The following GLG1 variants were observed in gnomAD, a reference collection of about 807,000 sequenced individuals.
The protein encoded by GLG1 is golgi glycoprotein 1.
In GLG1, 38 loss-of-function variants were observed where a neutral mutation model predicts 160.5. The ratio of observed to expected loss-of-function variants is 0.24; its 90% CI spans 0.18 to 0.31. The LOEUF (loss-of-function observed/expected upper bound fraction) is 0.31, where lower values mean the gene tolerates loss of function less well. GLG1 is among the 10% of genes least tolerant of loss of function. The probability of loss-of-function intolerance (pLI) is 1.00; values close to 1 mark genes in which losing one functional copy is unlikely to be tolerated. For synonymous variants in GLG1, 644 were observed against 543.4 expected, an observed-to-expected ratio of 1.19 and a Z score of -2.57; for missense variants, 1,373 against 1,505.2, an observed-to-expected ratio of 0.91 and a Z score of 1.45.
Position 74,511,577 on chromosome 16 carries a change from T to C in GLG1, c.472-2652A>G, listed in dbSNP as rs1407770825. Among the ~76,000 whole-genome samples, 17 of 3,192 alleles carry C rather than the reference T, an allele frequency of 5.3e-3. No individual in the cohort carries two copies. In the East Asian group the frequency reaches 0.17, roughly 32 times the overall value. 2.1% of individuals were successfully genotyped at this position (3,192 alleles called of 152,430 possible). On this transcript the variant is annotated intron_variant, in intron 2 of 25. Coordinates refer to ENST00000422840, the MANE Select transcript of GLG1 (RefSeq NM_001145667.2). Reference sequence around the variant, plus strand: ...TGAGGCAGGAGAATAACTTGAACCTTTTTTTTTTAAAAAAAAAAAAAAAAA... The same window carrying C: ...TGAGGCAGGAGAATAACTTGAACCTCTTTTTTTTAAAAAAAAAAAAAAAAA...
intron 2 of GLG1, among the ~76,000 whole-genome samples, chr16:74,517,971 T>TA (rs1319474329): frequency 6.6e-6 from 1 of 151,916 alleles, no homozygotes; most frequent in Non-Finnish European, 1.5e-5. Flanking sequence ...AATAATAAAA[T>TA]ACCTAGGAAT....
chr16:74,484,321 T>A (rs1276957560), intron 9 of GLG1, among the ~76,000 whole-genome samples: 1 of 152,028 alleles, frequency 6.6e-6, no homozygotes, highest in African/African-American at 2.4e-5. Context: ...TACTTGCAAC[T>A]GTTTTTTTTT....
At chr16:74,471,958 G>A (rs2015222762) in intron 14 of GLG1, among the ~76,000 whole-genome samples, 1 of 151,998 alleles carries the variant, frequency 6.6e-6, no homozygotes, top group Admixed American at 6.6e-5. Context: ...AGGCTGGAGT[G>A]CAGTGGCACA....
chr16:74,601,041 C>A (rs577521874), intron 1 of GLG1, among the ~76,000 whole-genome samples: 470 of 152,120 alleles, frequency 3.1e-3, no homozygotes, highest in Admixed American at 5.3e-3. Flanking sequence ...TTGCTTCCAA[C>A]CAGACAGACA....
intron 1 of GLG1, among the ~76,000 whole-genome samples, chr16:74,545,669 T>C (rs986434881): frequency 4.6e-5 from 7 of 152,278 alleles, no homozygotes; most frequent in African/African-American, 1.7e-4. Flanking sequence ...CCATGTCTTT[T>C]AAAGTTCTAA....
intron 1 of GLG1, among the ~76,000 whole-genome samples, chr16:74,602,512 G>A (rs866036663): frequency 5.9e-4 from 90 of 152,200 alleles, no homozygotes; most frequent in African/African-American, 1.9e-3. Context: ...GGCTGGGCGC[G>A]GTGACTCACG....
intron 3 of GLG1, 67 bp from the exon 4 acceptor site, chr16:74,503,813 G>C: frequency 1.9e-6 from 2 of 1,031,024 alleles, no homozygotes; most frequent in Non-Finnish European, 2.9e-6. Context: ...ATTTATCAAA[G>C]AGAAAAATGT....
At chr16:74,568,904 A>G (rs2018738330) in intron 1 of GLG1, among the ~76,000 whole-genome samples, 1 of 152,234 alleles carries the variant, frequency 6.6e-6, no homozygotes, top group South Asian at 2.1e-4. Flanking sequence ...AAAAGCAATA[A>G]AGAGCTAAAA....
intron 2 of GLG1, among the ~76,000 whole-genome samples, chr16:74,524,751 T>A (rs1487348241): frequency 6.6e-6 from 1 of 152,188 alleles, no homozygotes; most frequent in Non-Finnish European, 1.5e-5. Flanking sequence ...AGAATTTACA[T>A]TGTAAAATTC....
At chr16:74,496,296 T>G in intron 5 of GLG1, 145 bp downstream of exon 5, 1 of 598,906 alleles carries the variant, frequency 1.7e-6, no homozygotes, top group Non-Finnish European at 2.9e-6. Context: ...GCTGGAGCAC[T>G]GCTTCAGGTC....
At chr16:74,462,370 G>T in intron 21 of GLG1, 118 bp downstream of exon 21, 1 of 985,826 alleles carries the variant, frequency 1.0e-6, no homozygotes, top group Non-Finnish European at 1.6e-6. Context: ...CCCCAGGTTC[G>T]GGAAGATATG....
chr16:74,448,370 A>C lies in GLG1; in HGVS notation c.*4797T>G, dbSNP rs1249014753. The C allele has an allele frequency of 6.6e-6, 1 of 152,224 alleles. No homozygotes were observed. The highest frequency in any genetic ancestry group is 1.5e-5 in the Non-Finnish European group (1 of 68,044). 9.4% of individuals were successfully genotyped at this position (152,224 alleles called of 1,614,324 possible). A position where few individuals can be genotyped will look rare whatever the true frequency, so the allele number is the denominator to read the frequency against. On this transcript the variant is annotated 3_prime_UTR_variant, in exon 26 of 26. Coordinates refer to ENST00000422840, the MANE Select transcript of GLG1 (RefSeq NM_001145667.2). ...CCCTCAAGGCCTGAGAGAGACCCACAGCACCAGATGCTGCATTTTACAAAA... is the reference window on the plus strand; with the variant it reads ...CCCTCAAGGCCTGAGAGAGACCCACCGCACCAGATGCTGCATTTTACAAAA...
At position 74,469,382 on chromosome 16, in the gene GLG1, A is replaced by T. The variant is rs553722227; in HGVS notation, c.2319-319T>A. 4 of 314,272 alleles carry T rather than the reference A, an allele frequency of 1.3e-5. No homozygotes were observed. The South Asian group carries it at 2.4e-4, about 19-fold the overall frequency. 19.5% of individuals were successfully genotyped at this position (314,272 alleles called of 1,614,324 possible). A position where few individuals can be genotyped will look rare whatever the true frequency, so the allele number is the denominator to read the frequency against. ...ACAGAGGAATGCTGCTCTTAACTCT[A>T]GGACTGTACTTTTGACCTACTGTGA... is the stretch of plus-strand genomic sequence containing the variant. On this transcript the variant is annotated intron_variant, in intron 16 of 25. Coordinates refer to ENST00000422840, the MANE Select transcript of GLG1 (RefSeq NM_001145667.2).
chr16:74,470,277 CTCCTTCCTTCCTTTCCT>C (rs973025707), intron 15 of GLG1, among the ~76,000 whole-genome samples: 3 of 148,362 alleles, frequency 2.0e-5, no homozygotes, highest in Admixed American at 2.0e-4. Context: ...CCCTCCCTCC[CTCCTTCCTTCCTTTCCT>C]TCCTTCCTTC....
chr16:74,554,427 G>A (rs534743867), intron 1 of GLG1, among the ~76,000 whole-genome samples: 85 of 152,320 alleles, frequency 5.6e-4, no homozygotes, highest in African/African-American at 1.8e-3. Context: ...CCAGGTACTC[G>A]GGAGGCTGAG....
At chr16:74,566,558 T>C (rs2018658813) in intron 1 of GLG1, among the ~76,000 whole-genome samples, 1 of 152,218 alleles carries the variant, frequency 6.6e-6, no homozygotes, top group Non-Finnish European at 1.5e-5. Flanking sequence ...TTTCCTTCTG[T>C]CATGACTTTA....
intron 2 of GLG1, among the ~76,000 whole-genome samples, chr16:74,516,476 A>G (rs201561004): frequency 6.6e-6 from 1 of 152,226 alleles, no homozygotes; most frequent in East Asian, 1.9e-4. Flanking sequence ...AACGAAATGA[A>G]GGCAGAAATA....
chr16:74,496,138 C>T (rs1188076182), intron 5 of GLG1, among the ~76,000 whole-genome samples: 1 of 152,086 alleles, frequency 6.6e-6, no homozygotes, highest in Non-Finnish European at 1.5e-5. Flanking sequence ...CAAGATGGTG[C>T]TTGCCTATGG....
intron 25 of GLG1, among the ~76,000 whole-genome samples, chr16:74,454,666 CAAAAAAAAAAAAAAAA>C (rs58759187): frequency 2.9e-4 from 11 of 38,494 alleles, no homozygotes; most frequent in Non-Finnish European, 5.0e-4. Context: ...AATCCGTCCC[CAAAAAAAAAAAAAAAA>C]AAAAAAAAAA....
Sources: gnomAD v4.1 joint callset for allele counts (sites outside exome capture counted in the v4.1 genomes callset) on GRCh38, gnomAD v4.1.1 for gene constraint, MANE v1.5 for transcripts, NCBI Gene and HGNC (gene_info 2026-07-23, HGNC 2026-07-21) for gene names.